Variants in HCN4 observed in about 807,000 individuals in gnomAD.
The protein encoded by HCN4 is potassium/sodium hyperpolarization-activated cyclic nucleotide-gated channel 4.
HCN4 carries 29 observed loss-of-function variants against 76.9 expected under a neutral mutation model. The ratio of observed to expected loss-of-function variants is 0.38; its 90% confidence interval spans 0.28 to 0.51. HCN4 has a LOEUF of 0.51. Among genes scored for constraint, HCN4 ranks in the 20% least tolerant of loss-of-function variants. HCN4 has a pLI of 0.90. For synonymous variants in HCN4, 772 were observed against 762.5 expected (o/e 1.01, Z -0.21); for missense variants, 1,416 against 1,715.2 (o/e 0.83, Z 3.08).
chr15:73,330,515 T>G (rs1174689703), intron 3 of HCN4, among the ~76,000 whole-genome samples: 1 of 152,058 alleles, frequency 6.6e-6, no homozygotes, highest in Non-Finnish European at 1.5e-5. Flanking sequence ...TCTCTTGAAT[T>G]TAGTGCATGT....
chr15:73,325,071 T>C lies in HCN4; in HGVS notation c.1862A>G (p.Tyr621Cys). ...GCCAATGGTGCCTTCCCGGATGATG[T>C]AGTCCCCAGGCTGGAAGACCTCGAA... ...LRFEVFQPGD[Y>C]IIREGTIGKK... Residue 621 changes from tyrosine (Y) to cysteine (C), a missense_variant, in exon 6 of 8, where the codon TAC becomes TGC. Coordinates refer to ENST00000261917, the MANE Select transcript of HCN4 (RefSeq NM_005477.3). This position sits in a 1 kb window ranked among gnomAD's most constrained non-coding sequence, Gnocchi z 7.4. The C allele has an allele frequency of 5.6e-6, 9 of 1,614,218 alleles. No individual in the cohort carries two copies. The highest frequency in any genetic ancestry group is 1.1e-5 in the South Asian group (1 of 91,082).
intron 2 of HCN4, among the ~76,000 whole-genome samples, chr15:73,340,236 C>T (rs1279497644): frequency 6.6e-6 from 1 of 152,090 alleles, no homozygotes; most frequent in Non-Finnish European, 1.5e-5. Context: ...CTCCAACCCA[C>T]GACTCACCCT....
chr15:73,339,801 C>T (rs2247424), intron 2 of HCN4, among the ~76,000 whole-genome samples: 21,967 of 152,148 alleles, frequency 0.14, 1,954 homozygotes, highest in African/African-American at 0.26. Context: ...GAGAAGCCCC[C>T]GGGCTGGAGT....
chr15:73,337,017 C>A (rs552115196), intron 2 of HCN4, among the ~76,000 whole-genome samples: 1 of 152,274 alleles, frequency 6.6e-6, no homozygotes, highest in East Asian at 1.9e-4. Context: ...CCTTGAATGC[C>A]CCAGGCCAGT....
intron 2 of HCN4, among the ~76,000 whole-genome samples, chr15:73,338,610 C>T (rs1274353920): frequency 6.6e-6 from 1 of 152,202 alleles, no homozygotes; most frequent in Non-Finnish European, 1.5e-5. Context: ...CCAGCCCTCC[C>T]AACAAAGAGT....
chr15:73,347,409 C>T (rs2151222241), intron 1 of HCN4, among the ~76,000 whole-genome samples: 1 of 152,268 alleles, frequency 6.6e-6, no homozygotes, highest in South Asian at 2.1e-4. Flanking sequence ...CAGCCTACCA[C>T]AGCAGGTGTG....
At chr15:73,336,314 G>A (rs2042965158) in intron 2 of HCN4, among the ~76,000 whole-genome samples, 1 of 152,248 alleles carries the variant, frequency 6.6e-6, no homozygotes, top group South Asian at 2.1e-4. Context: ...CCCTGAGTGG[G>A]GTCTCCCTGG....
chr15:73,322,992 G>C lies in HCN4; in HGVS notation c.3101C>G (p.Pro1034Arg), dbSNP rs928266429. Reference sequence around the variant, plus strand: ...CGGGGCACTCGGGAAGGTTCTTGGGGGGCCTGGGCTGTGGCCAGGGGGGCT... The same window carrying C: ...CGGGGCACTCGGGAAGGTTCTTGGGCGGCCTGGGCTGTGGCCAGGGGGGCT... ...GLSPPGHSPGPPRTFPSAPPR... is the reference protein window; with the variant it reads ...GLSPPGHSPGRPRTFPSAPPR... Residue 1034 changes from proline to arginine, a missense_variant, in exon 8 of 8, where the codon CCC becomes CGC. This residue lies in a region of HCN4 where 633 missense variants were observed against 579.8 expected (regional missense o/e 1.09). Transcript: ENST00000261917. The C allele has an allele frequency of 5.5e-6, 8 of 1,452,574 alleles. No individual in the cohort carries two copies. The African/African-American group carries it at 1.1e-4, about 21-fold the overall frequency. 90.0% of individuals were successfully genotyped at this position (1,452,574 alleles called of 1,614,324 possible).
chr15:73,367,383 A>G lies in HCN4; in HGVS notation c.785+103T>C. 6.4e-7 allele frequency: 1 copy of G among 1,552,818 alleles called. No homozygotes were observed. The highest frequency in any genetic ancestry group is 8.7e-7 in the Non-Finnish European group (1 of 1,146,924). On this transcript the variant is annotated intron_variant, in intron 1 of 7. Coordinates refer to ENST00000261917, the MANE Select transcript of HCN4 (RefSeq NM_005477.3). This position sits in a 1 kb window ranked among gnomAD's most constrained non-coding sequence, Gnocchi z 7.5. ...GCGCCCTGCCTCTCTTGGAGCTCCC[A>G]GCGCAAGGCAGGAAAGTTAACTCCG...
chr15:73,335,123 G>C (rs748639759), intron 2 of HCN4: 3 of 152,216 alleles, frequency 2.0e-5, no homozygotes, highest in Non-Finnish European at 2.9e-5. Context: ...CAGAGCTGTG[G>C]GAAGTAGTGT....
chr15:73,328,751 G>A lies in HCN4; in HGVS notation c.1590+822C>T, dbSNP rs1209010778. ...AGGACTCATTCTCTGTGGTGAGGGGGCTGCTGTTGAGACCCCAGGGAGAGA... is the reference window on the plus strand; with the variant it reads ...AGGACTCATTCTCTGTGGTGAGGGGACTGCTGTTGAGACCCCAGGGAGAGA... On this transcript the variant is annotated intron_variant, in intron 4 of 7. Coordinates refer to ENST00000261917, the MANE Select transcript of HCN4 (RefSeq NM_005477.3). The surrounding 1 kb of genome is among the most constrained non-coding windows in gnomAD (Gnocchi z 4.0). Among the ~76,000 whole-genome samples the A allele has an allele frequency of 6.6e-6, 1 of 152,148 alleles. No homozygotes were observed. The highest frequency in any genetic ancestry group is 2.4e-5 in the African/African-American group (1 of 41,434).
In HCN4 at chr15:73,320,518, T is replaced by C. The variant is rs987574008; in HGVS notation, c.*1963A>G. The C allele has an allele frequency of 1.3e-5, 2 of 152,300 alleles. No homozygotes were observed. Among genetic ancestry groups the C allele is most frequent in the African/African-American group, 4.8e-5 (2 of 41,470 alleles). The allele number at this position is 152,300 out of a possible 1,614,324, so 9.4% of individuals were successfully genotyped here. On this transcript the variant is annotated 3_prime_UTR_variant, in exon 8 of 8. Coordinates refer to ENST00000261917, the MANE Select transcript of HCN4 (RefSeq NM_005477.3). Reference sequence around the variant, plus strand: ...TTGGGGATTGCAGCCATACCTGCTCTGGCCCTATAGGCAGGGGCAGACCCC... The same window carrying C: ...TTGGGGATTGCAGCCATACCTGCTCCGGCCCTATAGGCAGGGGCAGACCCC...
chr15:73,341,335 T>C (rs1248683725), intron 2 of HCN4, among the ~76,000 whole-genome samples: 1 of 151,502 alleles, frequency 6.6e-6, no homozygotes, highest in Non-Finnish European at 1.5e-5. Flanking sequence ...AGAGACGGGG[T>C]TTCACCACGT....
At chr15:73,336,741 C>G (rs1465802120) in intron 2 of HCN4, among the ~76,000 whole-genome samples, 1 of 152,164 alleles carries the variant, frequency 6.6e-6, no homozygotes, top group Non-Finnish European at 1.5e-5. Context: ...TGACCCCAAT[C>G]TAAACACCCG....
chr15:73,344,117 A>G (rs996833762), intron 1 of HCN4, among the ~76,000 whole-genome samples: 1 of 152,188 alleles, frequency 6.6e-6, no homozygotes, highest in African/African-American at 2.4e-5. Context: ...CAAATCAGTG[A>G]CACTCAGAGA....
chr15:73,329,321 C>G (rs1267517417), intron 4 of HCN4, among the ~76,000 whole-genome samples: 1 of 152,208 alleles, frequency 6.6e-6, no homozygotes, highest in African/African-American at 2.4e-5. Context: ...CCAGGAGCCA[C>G]AGGCCCCAGT....
chr15:73,354,402 C>T (rs373490089), intron 1 of HCN4, among the ~76,000 whole-genome samples: 5 of 152,190 alleles, frequency 3.3e-5, no homozygotes, highest in African/African-American at 4.8e-5. Context: ...TACAGCACGG[C>T]GCCCCTCACA....
chr15:73,328,528 G>A lies in HCN4; in HGVS notation c.1590+1045C>T, dbSNP rs1328043462. 6.6e-6 allele frequency among the ~76,000 whole-genome samples: 1 copy of A among 152,052 alleles called. No homozygotes were observed. Among genetic ancestry groups the A allele is most frequent in the Admixed American group, 6.5e-5 (1 of 15,278 alleles). On this transcript the variant is annotated intron_variant, in intron 4 of 7. Coordinates refer to ENST00000261917, the MANE Select transcript of HCN4 (RefSeq NM_005477.3). The surrounding 1 kb of genome is among the most constrained non-coding windows in gnomAD (Gnocchi z 4.0). ...CTGCTGTGTGAGGTGTGCAGTGGAA[G>A]GTGCCAGGGCAGAACCTGCTTAGCT...
At chr15:73,329,923 C>A in intron 3 of HCN4, 132 bp from the exon 4 acceptor site, 1 of 727,238 alleles carries the variant, frequency 1.4e-6, no homozygotes, top group Non-Finnish European at 2.3e-6. Flanking sequence ...CCTAACCTTG[C>A]TGTTGGCTGA....
Sources: gnomAD v4.1 joint callset for allele counts (sites outside exome capture counted in the v4.1 genomes callset) on GRCh38, gnomAD v4.1.1 for gene constraint, gnomAD v4.1.1 regional missense constraint, Gnocchi (gnomAD v3.1) non-coding constraint, MANE v1.5 for transcripts, NCBI Gene and HGNC (gene_info 2026-07-23, HGNC 2026-07-21) for gene names.